LPP: variants seen among roughly 807,000 people sequenced by gnomAD.
LPP encodes lipoma-preferred partner.
Under a neutral mutation model 60.4 loss-of-function variants are expected in LPP, and 38 were observed. The ratio of observed to expected loss-of-function variants is 0.63; its 90% CI spans 0.49 to 0.83. The LOEUF (loss-of-function observed/expected upper bound fraction) is 0.83, where lower values mean the gene tolerates loss of function less well. LPP is among the 40% of genes least tolerant of loss of function. LPP has a pLI of 0.00. For synonymous variants in LPP, 328 were observed against 290.8 expected (o/e 1.13, Z -1.30); for missense variants, 902 against 783.6 (o/e 1.15, Z -1.80).
At chr3:188,415,739 A>G (rs1035749142) in intron 4 of LPP, among the ~76,000 whole-genome samples, 3 of 139,622 alleles carry the variant, frequency 2.1e-5, no homozygotes, top group African/African-American at 8.0e-5. Flanking sequence ...GATAAAGGAC[A>G]TATTCATGAT....
At chr3:188,864,844 C>T (rs1414327590) in intron 9 of LPP, among the ~76,000 whole-genome samples, 1 of 152,136 alleles carries the variant, frequency 6.6e-6, no homozygotes, top group Non-Finnish European at 1.5e-5. Context: ...TGTATTTGAT[C>T]ACATCTGTGT....
rs1412354990 is a variant in LPP, at chr3:188,524,682, G to A, written c.324G>A (p.Lys108=). The part of the protein sequence containing the change: ...AFKVQGNPGG[K]TLEERRSSLD... ...TCCAACAGGGGAATCCCGGAGGCAA[G>A]ACACTTGAGGAGAGGCGCTCCAGCC... The change falls in exon 6 of 12, where the codon AAG becomes AAA. Residue 108 remains lysine, a synonymous_variant. Transcript: ENST00000617246. 1 of 1,613,674 alleles carries A rather than the reference G, an allele frequency of 6.2e-7. No homozygotes were observed. The highest frequency in any genetic ancestry group is 8.5e-7 in the Non-Finnish European group (1 of 1,179,782).
chr3:188,596,847 A>G (rs1164401517), intron 6 of LPP, among the ~76,000 whole-genome samples: 1 of 152,154 alleles, frequency 6.6e-6, no homozygotes, highest in East Asian at 1.9e-4. Context: ...CACTGAAGCA[A>G]ATATAGCCAC....
chr3:188,820,239 C>G (rs770871920), intron 9 of LPP, among the ~76,000 whole-genome samples: 3 of 151,908 alleles, frequency 2.0e-5, no homozygotes, highest in Non-Finnish European at 2.9e-5. Flanking sequence ...ACTATACTCC[C>G]TGATATGTTT....
At chr3:188,528,692 G>C (rs542540461) in intron 6 of LPP, among the ~76,000 whole-genome samples, 10 of 152,162 alleles carry the variant, frequency 6.6e-5, no homozygotes, top group African/African-American at 2.4e-4. Flanking sequence ...ATGAAACTAA[G>C]ACTCACCAAG....
chr3:188,212,772 G>A (rs1711788418), intron 1 of LPP: 1 of 152,328 alleles, frequency 6.6e-6, no homozygotes, highest in African/African-American at 2.4e-5. Context: ...TGGACTGAGG[G>A]CCTGCAAGAG....
intron 3 of LPP, among the ~76,000 whole-genome samples, chr3:188,379,634 C>T (rs1321684253): frequency 6.6e-6 from 1 of 152,080 alleles, no homozygotes; most frequent in Non-Finnish European, 1.5e-5. Context: ...GTGAAGTTGC[C>T]CATTCTGGAC....
intron 5 of LPP, among the ~76,000 whole-genome samples, chr3:188,524,280 A>C (rs1819840731): frequency 6.6e-6 from 1 of 151,952 alleles, no homozygotes; most frequent in Admixed American, 6.6e-5. Flanking sequence ...GCTCCTTGCT[A>C]CTCCAATAAA....
chr3:188,786,495 C>G (rs1437986757), intron 9 of LPP, among the ~76,000 whole-genome samples: 1 of 150,840 alleles, frequency 6.6e-6, no homozygotes, highest in African/African-American at 2.4e-5. Context: ...ATGGAACAAC[C>G]ATTCTAGAGA....
At chr3:188,770,344 A>ATTTTTTTTT (rs61040174) in intron 9 of LPP, among the ~76,000 whole-genome samples, 37 of 115,380 alleles carry the variant, frequency 3.2e-4, no homozygotes, top group East Asian at 6.4e-4. Context: ...ACGCCCAGCT[A>ATTTTTTTTT]TTTTTTTTTT....
chr3:188,538,643 A>G (rs1217890579), intron 6 of LPP, among the ~76,000 whole-genome samples: 1 of 152,228 alleles, frequency 6.6e-6, no homozygotes, highest in East Asian at 1.9e-4. Flanking sequence ...AAAATTGGTC[A>G]TAGTTACCAC....
chr3:188,480,973 A>G lies in LPP; in HGVS notation c.194-3619A>G, dbSNP rs575033360. 2.1e-3 allele frequency among the ~76,000 whole-genome samples: 321 copies of G among 152,294 alleles called. 1 individual carries two copies. The highest frequency in any genetic ancestry group is 3.9e-3 in the Non-Finnish European group (267 of 68,014). ...CCTCCTTCCCCCTTCTTCTAATCAT[A>G]TATAAATACAGTTCTTTTCATTTTC... On this transcript the variant is annotated intron_variant, in intron 4 of 11. Coordinates refer to ENST00000617246, the MANE Select transcript of LPP (RefSeq NM_001375462.1).
At chr3:188,225,644 A>G (rs1421369549) in intron 2 of LPP, 117 bp downstream of exon 2, 1 of 152,262 alleles carries the variant, frequency 6.6e-6, no homozygotes, top group African/African-American at 2.4e-5. Context: ...ACTAGGATGC[A>G]TTAAGAATAA....
At chr3:188,479,447 A>T (rs1170892791) in intron 4 of LPP, among the ~76,000 whole-genome samples, 1 of 152,206 alleles carries the variant, frequency 6.6e-6, no homozygotes, top group Non-Finnish European at 1.5e-5. Context: ...AGGTTCCCCG[A>T]TGATTGGAAC....
chr3:188,624,810 CTCTCT>C (rs1846509636), intron 7 of LPP, among the ~76,000 whole-genome samples: 2 of 147,232 alleles, frequency 1.4e-5, no homozygotes, highest in African/African-American at 2.5e-5. Flanking sequence ...TTCCTTCCTT[CTCTCT>C]CTTTCTCTCT....
chr3:188,549,567 T>G (rs1827530837), intron 6 of LPP, among the ~76,000 whole-genome samples: 1 of 152,208 alleles, frequency 6.6e-6, no homozygotes. Flanking sequence ...TTCTGCTTTA[T>G]AGTCATGCTC....
At chr3:188,551,194 G>A (rs910667480) in intron 6 of LPP, among the ~76,000 whole-genome samples, 4 of 152,118 alleles carry the variant, frequency 2.6e-5, no homozygotes, top group Non-Finnish European at 4.4e-5. Flanking sequence ...GAGTCATGGC[G>A]GGAGGCGAAA....
At chr3:188,766,449 T>C (rs1459572168) in intron 9 of LPP, among the ~76,000 whole-genome samples, 12 of 151,820 alleles carry the variant, frequency 7.9e-5, no homozygotes, top group Admixed American at 7.9e-4. Context: ...CTTTAACTTT[T>C]ATGAAGCACT....
chr3:188,615,857 T>C (rs1047638759), intron 7 of LPP, among the ~76,000 whole-genome samples: 5 of 152,146 alleles, frequency 3.3e-5, no homozygotes, highest in African/African-American at 9.7e-5. Context: ...CTTTTTTTCA[T>C]ATGTTTGTTG....
Sources: gnomAD v4.1 joint callset for allele counts (sites outside exome capture counted in the v4.1 genomes callset) on GRCh38, gnomAD v4.1.1 for gene constraint, MANE v1.5 for transcripts, NCBI Gene and HGNC (gene_info 2026-07-23, HGNC 2026-07-21) for gene names.